The following LRIG1 variants were observed in gnomAD, a reference collection of about 807,000 sequenced individuals.
The protein encoded by LRIG1 is leucine rich repeats and immunoglobulin like domains 1, also known as leucine-rich repeats and immunoglobulin-like domains protein 1.
Under a neutral mutation model 99.2 loss-of-function variants are expected in LRIG1, and 48 were observed. That is an observed-to-expected ratio of 0.48 (90% confidence interval 0.38 to 0.62). The LOEUF (loss-of-function observed/expected upper bound fraction) is 0.62, where lower values mean the gene tolerates loss of function less well. Among genes scored for constraint, LRIG1 ranks in the 20% least tolerant of loss-of-function variants. The pLI is 0.00. For synonymous variants in LRIG1, 772 were observed against 596.1 expected (o/e 1.29, Z -4.30); for missense variants, 1,646 against 1,434.4 (o/e 1.15, Z -2.38).
intron 8 of LRIG1, 62 bp from the exon 9 acceptor site, chr3:66,405,340 C>T: frequency 2.3e-6 from 3 of 1,324,044 alleles, no homozygotes; most frequent in African/African-American, 1.4e-5. Flanking sequence ...AGCAAACTCT[C>T]ACCCAGCCTG....
At chr3:66,497,379 T>C (rs1475387184) in intron 1 of LRIG1, among the ~76,000 whole-genome samples, 2 of 152,144 alleles carry the variant, frequency 1.3e-5, no homozygotes, top group African/African-American at 4.8e-5. Context: ...AGAAAGCAAA[T>C]ATCTGAGTTC....
chr3:66,466,303 A>G (rs1700471694), intron 1 of LRIG1, among the ~76,000 whole-genome samples: 1 of 152,160 alleles, frequency 6.6e-6, no homozygotes, highest in African/African-American at 2.4e-5. Flanking sequence ...TCAGCCTCCC[A>G]AAGTGATAGG....
At chr3:66,422,306 A>C (rs763982441) in intron 3 of LRIG1, among the ~76,000 whole-genome samples, 1 of 152,230 alleles carries the variant, frequency 6.6e-6, no homozygotes, top group African/African-American at 2.4e-5. Context: ...CAAATTTTCC[A>C]AACTTTTATG....
At chr3:66,432,956 G>T (rs113422970) in intron 3 of LRIG1, among the ~76,000 whole-genome samples, 276 of 152,264 alleles carry the variant, frequency 1.8e-3, no homozygotes, top group African/African-American at 6.3e-3. Context: ...CCACACGTAG[G>T]CTTCCAGGCC....
Position 66,379,823 on chromosome 3 carries a change from A to AC in LRIG1, c.*439dup, listed in dbSNP as rs545563476. The AC allele has an allele frequency of 2.5e-3, 419 of 165,512 alleles. 1 individual carries two copies. Among genetic ancestry groups the AC allele is most frequent in the Non-Finnish European group, 4.7e-3 (355 of 75,918 alleles). 10.3% of individuals were successfully genotyped at this position (165,512 alleles called of 1,614,324 possible). The stretch of plus-strand genomic sequence containing the variant: ...AAATCCAAGGCCTTCCATCCTTCCC[A>AC]CCCCGCACCAAAAACTCCTGTGAAC... On this transcript the variant is annotated 3_prime_UTR_variant, in exon 19 of 19. Coordinates refer to ENST00000273261, the MANE Select transcript of LRIG1 (RefSeq NM_015541.3).
chr3:66,402,091 T>C (rs1245436898), intron 9 of LRIG1, among the ~76,000 whole-genome samples: 1 of 152,088 alleles, frequency 6.6e-6, no homozygotes, highest in African/African-American at 2.4e-5. Flanking sequence ...ACATGCCCCT[T>C]CCCATGTGCC....
At chr3:66,393,049 G>A (rs1403097214) in intron 12 of LRIG1, among the ~76,000 whole-genome samples, 1 of 152,214 alleles carries the variant, frequency 6.6e-6, no homozygotes, top group Non-Finnish European at 1.5e-5. Context: ...TGGTGATGGT[G>A]AAGGTAGGGG....
intron 9 of LRIG1, among the ~76,000 whole-genome samples, chr3:66,403,741 C>A (rs1291897411): frequency 1.3e-5 from 2 of 152,204 alleles, no homozygotes; most frequent in East Asian, 1.9e-4. Context: ...AGCCATGACA[C>A]CCAGGAAACG....
chr3:66,385,830 G>T, intron 13 of LRIG1, 151 bp downstream of exon 13: 2 of 744,470 alleles, frequency 2.7e-6, no homozygotes, highest in South Asian at 1.8e-5. Context: ...ACTTGCTCTG[G>T]GGCAAACCCA....
chr3:66,451,606 C>T lies in LRIG1; in HGVS notation c.318G>A (p.Ala106=), dbSNP rs748802516. Residue 106 remains alanine (A), a synonymous_variant, in exon 3 of 19, where the codon GCG becomes GCA. Coordinates refer to ENST00000273261, the MANE Select transcript of LRIG1 (RefSeq NM_015541.3). ...EVYLNNNELT[A]VPSLGAASSH... is the part of the protein sequence containing the mutation. Reference sequence around the variant, plus strand: ...ATGAAGCAGCGCCCAGGGATGGTACCGCTGTCAACTCATTATTATTGAGGT... The same window carrying T: ...ATGAAGCAGCGCCCAGGGATGGTACTGCTGTCAACTCATTATTATTGAGGT... 11 of 1,613,750 alleles carry T rather than the reference C, an allele frequency of 6.8e-6. No homozygotes were observed. Among genetic ancestry groups the T allele is most frequent in the African/African-American group, 1.3e-5 (1 of 74,870 alleles).
rs3832189 is a variant in LRIG1 at position 66,379,910 on chromosome 3, AC to A, written c.*352del. ...GTTAAGGCACCAGAACTATTTCCCC[AC>A]CCCCTCCAAAATTAAACAGCAACCT... On this transcript the variant is annotated 3_prime_UTR_variant, in exon 19 of 19. Coordinates refer to ENST00000273261, the MANE Select transcript of LRIG1 (RefSeq NM_015541.3). 58,832 of 174,252 alleles carry A rather than the reference AC, an allele frequency of 0.34. 11,503 individuals are homozygous for A. The highest frequency in any genetic ancestry group is 0.55 in the African/African-American group (22,740 of 41,618). 10.8% of individuals were successfully genotyped at this position (174,252 alleles called of 1,614,324 possible).
chr3:66,470,871 A>G (rs1378363506), intron 1 of LRIG1, among the ~76,000 whole-genome samples: 2 of 152,148 alleles, frequency 1.3e-5, no homozygotes, highest in African/African-American at 4.8e-5. Flanking sequence ...ATTAGCTATA[A>G]TGGGTTTTGT....
chr3:66,452,972 T>C (rs1703955290), intron 2 of LRIG1, among the ~76,000 whole-genome samples: 1 of 152,226 alleles, frequency 6.6e-6, no homozygotes, highest in African/African-American at 2.4e-5. Flanking sequence ...AGACAATTAA[T>C]TACTTTAACA....
chr3:66,419,344 T>C (rs1183053671), intron 3 of LRIG1, among the ~76,000 whole-genome samples: 1 of 151,984 alleles, frequency 6.6e-6, no homozygotes, highest in African/African-American at 2.4e-5. Flanking sequence ...TCAAACACAA[T>C]CCGGGCCCCA....
At chr3:66,478,143 A>G (rs113570591) in intron 1 of LRIG1, among the ~76,000 whole-genome samples, 16 of 152,354 alleles carry the variant, frequency 1.1e-4, no homozygotes, top group Non-Finnish European at 1.9e-4. Context: ...GCCGCCTTTG[A>G]AAAGGACTTT....
intron 13 of LRIG1, among the ~76,000 whole-genome samples, chr3:66,385,407 G>C (rs1229697218): frequency 1.3e-5 from 2 of 152,196 alleles, no homozygotes; most frequent in Non-Finnish European, 2.9e-5. Context: ...TAGAGGATAA[G>C]AACTGGACAA....
intron 1 of LRIG1, 136 bp downstream of exon 1, chr3:66,500,054 T>C (rs1008169698): frequency 2.2e-5 from 14 of 646,186 alleles, no homozygotes; most frequent in Admixed American, 7.2e-5. Flanking sequence ...CTGACAGTCT[T>C]CCAACACGCA....
intron 8 of LRIG1, chr3:66,406,057 G>A (rs149418733): frequency 5.3e-5 from 52 of 986,654 alleles, no homozygotes; most frequent in East Asian, 1.1e-4. Context: ...TTTTCCCCCC[G>A]AGCCCTTGCA....
chr3:66,380,937 C>A, intron 17 of LRIG1, 76 bp from the exon 18 acceptor site: 1 of 1,490,016 alleles, frequency 6.7e-7, no homozygotes, highest in South Asian at 1.2e-5. Flanking sequence ...ACAGGCTGCT[C>A]AGCTCCACTG....
Sources: gnomAD v4.1 joint callset for allele counts (sites outside exome capture counted in the v4.1 genomes callset) on GRCh38, gnomAD v4.1.1 for gene constraint, MANE v1.5 for transcripts, NCBI Gene and HGNC (gene_info 2026-07-23, HGNC 2026-07-21) for gene names.